The following PEBP4 variants were observed in gnomAD, a reference collection of about 807,000 sequenced individuals.
PEBP4 encodes phosphatidylethanolamine-binding protein 4.
Under a neutral mutation model 23.9 loss-of-function variants are expected in PEBP4, and 22 were observed. The observed-to-expected ratio is 0.92, with a 90% confidence interval of 0.66 to 1.31. The LOEUF is 1.31. Ranked by LOEUF, PEBP4 falls within the 40% of genes most tolerant of loss-of-function variation. PEBP4 has a pLI of 0.00. For synonymous variants in PEBP4, 112 were observed against 99.3 expected (o/e 1.13, Z -0.76); for missense variants, 324 against 281.7 (o/e 1.15, Z -1.07).
At chr8:22,788,653 C>T (rs191567457) in intron 4 of PEBP4, among the ~76,000 whole-genome samples, 10 of 152,310 alleles carry the variant, frequency 6.6e-5, no homozygotes, top group African/African-American at 1.9e-4. Context: ...TATGACTGTC[C>T]TGATGGTTAT....
chr8:22,793,272 T>C (rs2128757292), intron 4 of PEBP4, among the ~76,000 whole-genome samples: 3 of 152,272 alleles, frequency 2.0e-5, no homozygotes, highest in Middle Eastern at 6.8e-3. Context: ...TGCATAATAT[T>C]CTTTTTTCTT....
chr8:22,830,347 G>T (rs1012237351), intron 3 of PEBP4, among the ~76,000 whole-genome samples: 3 of 152,078 alleles, frequency 2.0e-5, no homozygotes, highest in Non-Finnish European at 4.4e-5. Flanking sequence ...GTTTCACCAT[G>T]TTGGCCAGGA....
chr8:22,915,909 T>A (rs1365032615), intron 3 of PEBP4, among the ~76,000 whole-genome samples: 8 of 152,282 alleles, frequency 5.3e-5, no homozygotes, highest in Non-Finnish European at 1.0e-4. Context: ...AGCTCTCTTA[T>A]AGAGAGGAGA....
Position 22,775,793 on chromosome 8 carries a change from C to T in PEBP4, c.357+41844G>A, listed in dbSNP as rs1805803943. The stretch of plus-strand genomic sequence containing the variant: ...GGAAGCGAGAGAGAGGTTGGGGAGG[C>T]GGGTTCTCCAGGCTGGAAGGGCTTC... On this transcript the variant is annotated intron_variant, in intron 4 of 6. Transcript: ENST00000256404. The surrounding 1 kb of genome is among the most constrained non-coding windows in gnomAD (Gnocchi z 4.8). 6.6e-6 allele frequency among the ~76,000 whole-genome samples: 1 copy of T among 152,004 alleles called. No homozygotes were observed. Among genetic ancestry groups the T allele is most frequent in the Admixed American group, 6.5e-5 (1 of 15,268 alleles).
In PEBP4 at chr8:22,832,273, G is replaced by C. The variant is rs373558625; in HGVS notation, c.259-14538C>G. On this transcript the variant is annotated intron_variant, in intron 3 of 6. Coordinates refer to ENST00000256404, the MANE Select transcript of PEBP4 (RefSeq NM_144962.3). ...TCGGACGTGGGGCCTCTGGGAGGTA[G>C]TGATGAGGGTGGAGCCCTTGTGATG... 1.1e-3 allele frequency among the ~76,000 whole-genome samples: 173 copies of C among 152,338 alleles called. No individual in the cohort carries two copies. In the South Asian group the frequency reaches 0.019, roughly 16 times the overall value.
At chr8:22,876,032 C>A (rs1374556824) in intron 3 of PEBP4, among the ~76,000 whole-genome samples, 1 of 126,804 alleles carries the variant, frequency 7.9e-6, no homozygotes, top group African/African-American at 3.2e-5. Context: ...ACTTCAGCCA[C>A]TGGAGTAAGC....
chr8:22,732,413 G>T (rs1169532591), intron 4 of PEBP4, among the ~76,000 whole-genome samples: 1 of 152,132 alleles, frequency 6.6e-6, no homozygotes, highest in Non-Finnish European at 1.5e-5. Flanking sequence ...CCATGGTGGG[G>T]GCGTGGGGAG....
intron 6 of PEBP4, among the ~76,000 whole-genome samples, chr8:22,724,160 G>T (rs144628503): frequency 3.3e-5 from 5 of 152,322 alleles, no homozygotes; most frequent in Non-Finnish European, 7.3e-5. Context: ...GGGTGGGGGA[G>T]TCGGGGGCAT....
At chr8:22,750,258 C>T (rs571664656) in intron 4 of PEBP4, among the ~76,000 whole-genome samples, 5 of 152,072 alleles carry the variant, frequency 3.3e-5, no homozygotes, top group South Asian at 4.2e-4. Context: ...CCTGCCACCA[C>T]GCCCAGCTAA....
chr8:22,808,067 C>T (rs778981394), intron 4 of PEBP4, among the ~76,000 whole-genome samples: 11 of 152,116 alleles, frequency 7.2e-5, no homozygotes, highest in Non-Finnish European at 7.4e-5. Context: ...ATTCATGCAT[C>T]CATCCACCTA....
At chr8:22,827,610 G>A (rs1489644755) in intron 3 of PEBP4, among the ~76,000 whole-genome samples, 1 of 152,062 alleles carries the variant, frequency 6.6e-6, no homozygotes. Flanking sequence ...TTCATTGTAT[G>A]GATAGAGACC....
At chr8:22,884,595 G>A (rs576291593) in intron 3 of PEBP4, 1 of 152,178 alleles carries the variant, frequency 6.6e-6, no homozygotes, top group Non-Finnish European at 1.5e-5. Context: ...ACCAAGAGGG[G>A]GAAAGGGAGA....
At chr8:22,776,569 G>A (rs1805818853) in intron 4 of PEBP4, among the ~76,000 whole-genome samples, 1 of 151,232 alleles carries the variant, frequency 6.6e-6, no homozygotes, top group Non-Finnish European at 1.5e-5. Context: ...TCCTCCCACG[G>A]GTTTCTCCAT....
intron 3 of PEBP4, among the ~76,000 whole-genome samples, chr8:22,853,885 T>C (rs573066679): frequency 6.6e-6 from 1 of 152,284 alleles, no homozygotes; most frequent in Non-Finnish European, 1.5e-5. Context: ...TGCATCTTGG[T>C]TGGGACAACA....
At chr8:22,715,535 G>A (rs138071253) in intron 6 of PEBP4, among the ~76,000 whole-genome samples, 40 of 152,348 alleles carry the variant, frequency 2.6e-4, no homozygotes, top group South Asian at 1.9e-3. Context: ...GAACCTGCAC[G>A]GCAGGAAGGG....
At chr8:22,868,697 T>A (rs1320422077) in intron 3 of PEBP4, among the ~76,000 whole-genome samples, 1 of 152,138 alleles carries the variant, frequency 6.6e-6, no homozygotes, top group East Asian at 1.9e-4. Context: ...TTTTGCATCA[T>A]CTAGGATTCC....
At chr8:22,907,429 T>G (rs1808840236) in intron 3 of PEBP4, among the ~76,000 whole-genome samples, 1 of 152,106 alleles carries the variant, frequency 6.6e-6, no homozygotes, top group African/African-American at 2.4e-5. Context: ...GGAGAATCAC[T>G]TGAACCCGGG....
At chr8:22,717,760 A>G (rs1013150452) in intron 6 of PEBP4, among the ~76,000 whole-genome samples, 1 of 152,100 alleles carries the variant, frequency 6.6e-6, no homozygotes, top group Admixed American at 6.5e-5. Context: ...CTCTCCTCTT[A>G]GGTAAGGGCA....
intron 4 of PEBP4, among the ~76,000 whole-genome samples, chr8:22,801,397 C>G (rs931945582): frequency 1.3e-5 from 2 of 152,188 alleles, no homozygotes; most frequent in Non-Finnish European, 2.9e-5. Context: ...GTACCTACCA[C>G]TGCACCACAC....
Sources: gnomAD v4.1 joint callset for allele counts (sites outside exome capture counted in the v4.1 genomes callset) on GRCh38, gnomAD v4.1.1 for gene constraint, Gnocchi (gnomAD v3.1) non-coding constraint, MANE v1.5 for transcripts, NCBI Gene and HGNC (gene_info 2026-07-23, HGNC 2026-07-21) for gene names.